Variants in MET observed in about 807,000 individuals in gnomAD.
MET encodes MET proto-oncogene, receptor tyrosine kinase.
MET carries 48 observed loss-of-function variants against 133.1 expected under a neutral mutation model. The observed-to-expected ratio is 0.36, with a 90% confidence interval of 0.29 to 0.46. The LOEUF is 0.46. Ranked by LOEUF, MET falls within the 20% of genes least tolerant of loss-of-function variation. The probability of loss-of-function intolerance (pLI) is 1.00; values close to 1 mark genes in which losing one functional copy is unlikely to be tolerated. For synonymous variants in MET, 628 were observed against 616.5 expected (o/e 1.02, Z -0.28); for missense variants, 1,442 against 1,695.9 (o/e 0.85, Z 2.63).
chr7:116,692,646 A>G (rs761865581), intron 1 of MET, among the ~76,000 whole-genome samples: 3 of 152,218 alleles, frequency 2.0e-5, no homozygotes, highest in Admixed American at 1.3e-4. Flanking sequence ...CTGAACTGGT[A>G]TTTGTAACTA....
chr7:116,774,047 T>TC (rs1184180022), intron 14 of MET, among the ~76,000 whole-genome samples: 3 of 152,134 alleles, frequency 2.0e-5, no homozygotes, highest in African/African-American at 7.2e-5. Context: ...TGATGCCCCC[T>TC]CCTTGATATG....
intron 14 of MET, among the ~76,000 whole-genome samples, chr7:116,773,349 G>A (rs1408288276): frequency 6.6e-6 from 1 of 152,180 alleles, no homozygotes; most frequent in African/African-American, 2.4e-5. Context: ...GCTATGTGGT[G>A]TGACATCAGG....
chr7:116,697,081 C>T (rs939115438), intron 1 of MET, among the ~76,000 whole-genome samples: 42 of 152,280 alleles, frequency 2.8e-4, no homozygotes, highest in Admixed American at 1.5e-3. Flanking sequence ...GCAGCACACC[C>T]GACTCAACGT....
chr7:116,757,025 T>G (rs921259951), intron 6 of MET, among the ~76,000 whole-genome samples: 1 of 151,680 alleles, frequency 6.6e-6, no homozygotes, highest in African/African-American at 2.4e-5. Context: ...GCCCAGGAAT[T>G]CAAGACCAGC....
intron 3 of MET, among the ~76,000 whole-genome samples, chr7:116,739,303 G>A (rs1199686934): frequency 2.6e-5 from 4 of 152,242 alleles, no homozygotes; most frequent in Non-Finnish European, 4.4e-5. Context: ...CTCATTTCCC[G>A]GGCATTGTTA....
chr7:116,741,050 A>C (rs73469198), intron 5 of MET, 25 bp downstream of exon 5: 3 of 1,606,772 alleles, frequency 1.9e-6, no homozygotes, highest in Non-Finnish European at 2.5e-6. Context: ...CAGCTGGCAT[A>C]CATGTTTTTG....
chr7:116,732,559 C>T (rs373824701), intron 3 of MET, among the ~76,000 whole-genome samples: 1 of 152,098 alleles, frequency 6.6e-6, no homozygotes, highest in South Asian at 2.1e-4. Context: ...TTATTGGTGC[C>T]TTTAACATGA....
intron 5 of MET, among the ~76,000 whole-genome samples, chr7:116,744,018 A>G (rs926699162): frequency 9.8e-5 from 15 of 152,310 alleles, no homozygotes; most frequent in African/African-American, 3.6e-4. Context: ...GTCCACACAA[A>G]AACCCTATTC....
At chr7:116,702,442 A>T (rs1466981738) in intron 2 of MET, among the ~76,000 whole-genome samples, 1 of 152,158 alleles carries the variant, frequency 6.6e-6, no homozygotes, top group Non-Finnish European at 1.5e-5. Context: ...AATAATGAGC[A>T]TATAATCATT....
chr7:116,711,769 G>T (rs1215276759), intron 2 of MET, among the ~76,000 whole-genome samples: 1 of 152,012 alleles, frequency 6.6e-6, no homozygotes, highest in Non-Finnish European at 1.5e-5. Flanking sequence ...AAACCTATTT[G>T]TATATCTGAT....
chr7:116,759,246 A>C (rs770139854), intron 9 of MET, 145 bp from the exon 10 acceptor site: 69 of 1,211,650 alleles, frequency 5.7e-5, no homozygotes, highest in Non-Finnish European at 7.7e-5. Context: ...TTGTTTCCAA[A>C]GAACAGTTAC....
intron 19 of MET, among the ~76,000 whole-genome samples, chr7:116,794,828 G>A (rs1795621223): frequency 6.6e-6 from 1 of 152,238 alleles, no homozygotes; most frequent in Non-Finnish European, 1.5e-5. Flanking sequence ...ACATGTCCAG[G>A]GGGAGATAAT....
rs1188173431 is a variant in MET, at chr7:116,797,960, T to G, written c.*1836T>G. On this transcript the variant is annotated 3_prime_UTR_variant, in exon 21 of 21. Transcript: ENST00000397752. ...GAGACTTACCAGAAGACACAAGGAA[T>G]TGTACTGAAGAGCTATTACAATCCA... 4.5e-6 allele frequency: 1 copy of G among 220,974 alleles called. No individual in the cohort carries two copies. The highest frequency in any genetic ancestry group is 2.2e-5 in the African/African-American group (1 of 44,616). The allele number at this position is 220,974 out of a possible 1,614,324, so 13.7% of individuals were successfully genotyped here. A position where few individuals can be genotyped will look rare whatever the true frequency, so the allele number is the denominator to read the frequency against.
rs185579541 is a variant in MET, at chr7:116,748,997, C to T, written c.1702-6358C>T. 5.3e-5 allele frequency among the ~76,000 whole-genome samples: 8 copies of T among 152,216 alleles called. No homozygotes were observed. The East Asian group carries it at 1.3e-3, about 26-fold the overall frequency. ...CAACCAAAAAAAGCCCAGGACCAGACGGATTCACAGCCGAATTCTACCAGA... is the reference window on the plus strand; with the variant it reads ...CAACCAAAAAAAGCCCAGGACCAGATGGATTCACAGCCGAATTCTACCAGA... On this transcript the variant is annotated intron_variant, in intron 5 of 20. Coordinates refer to ENST00000397752, the MANE Select transcript of MET (RefSeq NM_000245.4).
At chr7:116,748,019 G>A (rs1451866776) in intron 5 of MET, among the ~76,000 whole-genome samples, 1 of 152,226 alleles carries the variant, frequency 6.6e-6, no homozygotes, top group African/African-American at 2.4e-5. Context: ...GCTGAGGCGG[G>A]CGGATCACAA....
chr7:116,740,383 C>T (rs1402661125), intron 4 of MET, among the ~76,000 whole-genome samples: 2 of 152,178 alleles, frequency 1.3e-5, no homozygotes, highest in African/African-American at 4.8e-5. Context: ...CTAGTGCAGG[C>T]AGATAAATCC....
intron 19 of MET, among the ~76,000 whole-genome samples, chr7:116,792,068 TA>T (rs1795517931): frequency 6.8e-6 from 1 of 147,510 alleles, no homozygotes; most frequent in Non-Finnish European, 1.5e-5. Context: ...TACCAATTGA[TA>T]AAACTTTATC....
rs767375583 is a variant in MET at position 116,700,119 on chromosome 7, G to T, written c.1035G>T (p.Val345=). The T allele has an allele frequency of 6.2e-7, 1 of 1,607,208 alleles. No homozygotes were observed. The highest frequency in any genetic ancestry group is 8.5e-7 in the Non-Finnish European group (1 of 1,176,966). ...ASLNDDILFG[V]FAQSKPDSAE... ...TGAATGATGACATTCTTTTCGGGGTGTTCGCACAAAGCAAGCCAGATTCTG... is the reference window on the plus strand; with the variant it reads ...TGAATGATGACATTCTTTTCGGGGTTTTCGCACAAAGCAAGCCAGATTCTG... The change falls in exon 2 of 21, where the codon GTG becomes GTT. Residue 345 remains valine (V), a synonymous_variant. Transcript: ENST00000397752.
intron 5 of MET, among the ~76,000 whole-genome samples, chr7:116,745,365 T>G (rs575196693): frequency 4.1e-4 from 63 of 152,304 alleles, no homozygotes; most frequent in African/African-American, 1.5e-3. Context: ...CAAGGTAATT[T>G]ATAGATTCAA....
Sources: allele counts gnomAD v4.1 joint callset (sites outside exome capture counted in the v4.1 genomes callset), GRCh38; gene constraint gnomAD v4.1.1; transcripts MANE v1.5; gene names NCBI Gene and HGNC (gene_info 2026-07-23, HGNC 2026-07-21).